The following GRIN2A variants were observed in gnomAD, a reference collection of about 807,000 sequenced individuals.
GRIN2A encodes the protein glutamate ionotropic receptor NMDA type subunit 2A.
In GRIN2A, 22 loss-of-function variants were observed where a neutral mutation model predicts 113.4. The ratio of observed to expected loss-of-function variants is 0.19; its 90% CI spans 0.14 to 0.28. The LOEUF (loss-of-function observed/expected upper bound fraction) is 0.28. GRIN2A is among the 10% of genes least tolerant of loss of function. The pLI is 1.00. For missense variants in GRIN2A, 1,502 were observed against 1,887.0 expected (o/e 0.80, Z 3.78); for synonymous variants, 827 against 738.4 (o/e 1.12, Z -1.94).
chr16:9,994,556 G>A (rs116806971), intron 2 of GRIN2A, among the ~76,000 whole-genome samples: 1 of 152,132 alleles, frequency 6.6e-6, no homozygotes, highest in African/African-American at 2.4e-5. Flanking sequence ...TGGACAGTTG[G>A]TTCACTTTTC....
chr16:10,083,341 G>A (rs529495141), intron 2 of GRIN2A, among the ~76,000 whole-genome samples: 2 of 152,338 alleles, frequency 1.3e-5, no homozygotes, highest in South Asian at 2.1e-4. Context: ...TGGGAGAAGG[G>A]AGCAACCATT....
chr16:9,944,971 G>A (rs1178037695), intron 2 of GRIN2A, among the ~76,000 whole-genome samples: 1 of 152,136 alleles, frequency 6.6e-6, no homozygotes, highest in Non-Finnish European at 1.5e-5. Flanking sequence ...GAAGGACCCT[G>A]ATTCCATGAA....
chr16:10,177,954 C>A (rs2050183353), intron 2 of GRIN2A, among the ~76,000 whole-genome samples: 1 of 152,228 alleles, frequency 6.6e-6, no homozygotes, highest in Non-Finnish European at 1.5e-5. Flanking sequence ...AAGTAAGAGC[C>A]AAAGCCTACC....
intron 9 of GRIN2A, among the ~76,000 whole-genome samples, chr16:9,824,658 C>A (rs1416044603): frequency 6.6e-6 from 1 of 152,190 alleles, no homozygotes; most frequent in Non-Finnish European, 1.5e-5. Context: ...TTCCACTAGA[C>A]TGAAGACTGT....
At chr16:9,917,468 T>C (rs755258902) in intron 3 of GRIN2A, among the ~76,000 whole-genome samples, 8 of 152,224 alleles carry the variant, frequency 5.3e-5, no homozygotes, top group Non-Finnish European at 1.2e-4. Flanking sequence ...TTGACTTTCC[T>C]AAGCCTCAAT....
intron 2 of GRIN2A, among the ~76,000 whole-genome samples, chr16:10,062,875 A>AAAG (rs1267151973): frequency 6.6e-6 from 1 of 152,110 alleles, no homozygotes; most frequent in Non-Finnish European, 1.5e-5. Context: ...AAAAAAAAAA[A>AAAG]AAGAAGAAGA....
intron 2 of GRIN2A, among the ~76,000 whole-genome samples, chr16:10,174,259 A>T (rs1230740470): frequency 3.3e-5 from 5 of 152,196 alleles, no homozygotes; most frequent in African/African-American, 1.2e-4. Context: ...TGTGTCAAGG[A>T]GCCAAAATGA....
chr16:9,799,015 A>G (rs981539600), intron 10 of GRIN2A, among the ~76,000 whole-genome samples: 1 of 152,258 alleles, frequency 6.6e-6, no homozygotes, highest in Admixed American at 6.5e-5. Flanking sequence ...TCTATAACTC[A>G]GATTCAACCT....
intron 2 of GRIN2A, among the ~76,000 whole-genome samples, chr16:9,964,187 A>G (rs2045505108): frequency 6.6e-6 from 1 of 152,216 alleles, no homozygotes; most frequent in Admixed American, 6.5e-5. Flanking sequence ...TGCCGCATGG[A>G]CTTGAAGGGA....
At chr16:9,934,678 TAA>T (rs33916243) in intron 3 of GRIN2A, among the ~76,000 whole-genome samples, 771 of 50,896 alleles carry the variant, frequency 0.015, 17 homozygotes, top group African/African-American at 0.059. Context: ...AGACTCTGTC[TAA>T]AAAAAAAAAA....
At chr16:10,055,047 CAAAAAAAAAAAAAAAAAA>C (rs71133304) in intron 2 of GRIN2A, among the ~76,000 whole-genome samples, 94 of 10,376 alleles carry the variant, frequency 9.1e-3, no homozygotes, top group African/African-American at 0.04. Flanking sequence ...GACTCTATCT[CAAAAAAAAAAAAAAAAAA>C]AAAAAAAAAA....
At chr16:10,026,448 A>T (rs553916649) in intron 2 of GRIN2A, among the ~76,000 whole-genome samples, 15 of 148,164 alleles carry the variant, frequency 1.0e-4, no homozygotes, top group Admixed American at 9.3e-4. Context: ...AAGGTAGTCT[A>T]TGCAAAGTAC....
At chr16:10,076,387 A>T (rs563660050) in intron 2 of GRIN2A, among the ~76,000 whole-genome samples, 1 of 152,270 alleles carries the variant, frequency 6.6e-6, no homozygotes, top group African/African-American at 2.4e-5. Context: ...CACAATGCCA[A>T]GTTTGTATCC....
intron 2 of GRIN2A, among the ~76,000 whole-genome samples, chr16:10,079,229 A>C (rs1439432865): frequency 6.6e-6 from 1 of 151,894 alleles, no homozygotes; most frequent in Non-Finnish European, 1.5e-5. Context: ...AATAACAACC[A>C]AAAAAAATGG....
intron 4 of GRIN2A, among the ~76,000 whole-genome samples, chr16:9,853,617 G>A (rs74250850): frequency 0.021 from 3,212 of 152,304 alleles, 43 homozygotes; most frequent in East Asian, 0.056. Context: ...AATGGACTAA[G>A]AGTCAATCAA....
chr16:10,143,962 T>C (rs2049379754), intron 2 of GRIN2A, among the ~76,000 whole-genome samples: 1 of 152,006 alleles, frequency 6.6e-6, no homozygotes, highest in African/African-American at 2.4e-5. Context: ...TGAGACTCTG[T>C]CTCAAAAAAA....
At chr16:9,875,176 G>C (rs999867234) in intron 4 of GRIN2A, among the ~76,000 whole-genome samples, 3 of 151,870 alleles carry the variant, frequency 2.0e-5, no homozygotes, top group Non-Finnish European at 4.4e-5. Context: ...TCTTAAAAAA[G>C]GGTGTGTGGG....
intron 3 of GRIN2A, among the ~76,000 whole-genome samples, chr16:9,901,343 T>G (rs1388508718): frequency 6.6e-6 from 1 of 152,188 alleles, no homozygotes; most frequent in Non-Finnish European, 1.5e-5. Context: ...GTGAGGTAAC[T>G]CAAAGGCAGA....
At chr16:10,117,278 C>T (rs1229142266) in intron 2 of GRIN2A, among the ~76,000 whole-genome samples, 1 of 152,028 alleles carries the variant, frequency 6.6e-6, no homozygotes, top group Non-Finnish European at 1.5e-5. Context: ...TAGAAAATAC[C>T]AAGTCTTTTC....
Sources: gnomAD v4.1 joint callset for allele counts (sites outside exome capture counted in the v4.1 genomes callset) on GRCh38, gnomAD v4.1.1 for gene constraint, MANE v1.5 for transcripts, NCBI Gene and HGNC (gene_info 2026-07-23, HGNC 2026-07-21) for gene names.